THAP4: variants seen among roughly 807,000 people sequenced by gnomAD.
THAP4 encodes the protein THAP domain containing 4, also known as peroxynitrite isomerase THAP4.
A neutral mutation model predicts 48.1 loss-of-function variants in THAP4; 18 were observed. That is an observed-to-expected ratio of 0.37 (90% CI 0.26 to 0.56). THAP4 has a LOEUF of 0.56. Ranked by LOEUF, THAP4 falls within the 20% of genes least tolerant of loss-of-function variation. THAP4 has a pLI of 0.78. For missense variants in THAP4, 656 were observed against 774.9 expected, an observed-to-expected ratio of 0.85 and a Z score of 1.82; for synonymous variants, 345 against 324.9, an observed-to-expected ratio of 1.06 and a Z score of -0.66.
chr2:241,634,106 T>C (rs2067607072), intron 1 of THAP4, 27 bp from the exon 2 acceptor site: 2 of 1,470,800 alleles, frequency 1.4e-6, no homozygotes, highest in African/African-American at 2.8e-5. Flanking sequence ...AAAAAGTAAT[T>C]AGAAATAATT....
At chr2:241,593,735 G>C (rs1480788243) in intron 5 of THAP4, among the ~76,000 whole-genome samples, 1 of 152,184 alleles carries the variant, frequency 6.6e-6, no homozygotes, top group Admixed American at 6.5e-5. Context: ...CACCCAGGCT[G>C]GAGTGCAGTG....
At chr2:241,596,674 C>T (rs559630038) in intron 5 of THAP4, among the ~76,000 whole-genome samples, 2 of 151,568 alleles carry the variant, frequency 1.3e-5, no homozygotes, top group Middle Eastern at 3.4e-3. Flanking sequence ...GGCGTGGTGG[C>T]GCGCACCTGT....
At chr2:241,597,289 AC>A (rs775193543) in intron 5 of THAP4, among the ~76,000 whole-genome samples, 35 of 152,130 alleles carry the variant, frequency 2.3e-4, no homozygotes, top group Non-Finnish European at 4.7e-4. Flanking sequence ...GCCCGCCATC[AC>A]GCCTGGCTAA....
At chr2:241,634,316 T>C (rs1054169389) in intron 1 of THAP4, among the ~76,000 whole-genome samples, 3 of 152,144 alleles carry the variant, frequency 2.0e-5, no homozygotes, top group African/African-American at 7.2e-5. Flanking sequence ...GTAGGGCGGA[T>C]GGGAAAGAAG....
intron 3 of THAP4, among the ~76,000 whole-genome samples, chr2:241,603,770 G>T (rs943485794): frequency 1.4e-4 from 22 of 152,180 alleles, no homozygotes; most frequent in African/African-American, 5.3e-4. Flanking sequence ...GTTATGGTAT[G>T]GTTTCTTATC....
At chr2:241,603,876 G>A (rs1244686777) in intron 3 of THAP4, among the ~76,000 whole-genome samples, 2 of 152,212 alleles carry the variant, frequency 1.3e-5, no homozygotes, top group East Asian at 3.9e-4. Context: ...CTAACTCGCT[G>A]GCATGGTGAC....
At position 241,633,127 on chromosome 2, in the gene THAP4, A is replaced by G. The variant is rs1299126469; in HGVS notation, c.1030T>C (p.Ser344Pro). 6.2e-7 allele frequency: 1 copy of G among 1,612,368 alleles called. No homozygotes were observed. Among genetic ancestry groups the G allele is most frequent in the Non-Finnish European group, 8.5e-7 (1 of 1,179,240 alleles). The change falls in exon 2 of 6, where the codon TCA (serine) becomes CCA (proline). Residue 344 changes from serine (S) to proline (P), a missense_variant. Coordinates refer to ENST00000407315, the MANE Select transcript of THAP4 (RefSeq NM_015963.6). The surrounding 1 kb of genome is among the most constrained non-coding windows in gnomAD (Gnocchi z 7.5). The stretch of plus-strand genomic sequence containing the variant: ...GAGGAGAAGCAGTAGGAGTGCAGTG[A>G]GTCGATGAGCTTGCAGGCCCCTGAC... ...SASGACKLID[S>P]LHSYCFSSRQ...
Position 241,632,377 on chromosome 2 carries a change from G to A in THAP4, c.1240+540C>T, listed in dbSNP as rs561017502. Among the ~76,000 whole-genome samples, 12 of 152,204 alleles carry A rather than the reference G, an allele frequency of 7.9e-5. No individual in the cohort carries two copies. The South Asian group carries it at 2.1e-3, about 26-fold the overall frequency. ...AGCCTCCCAAAGTACTGGGATTACA[G>A]GTGTGAGCCACCGAGTCCAGCCTCA... On this transcript the variant is annotated intron_variant, in intron 2 of 5. Coordinates refer to ENST00000407315, the MANE Select transcript of THAP4 (RefSeq NM_015963.6).
chr2:241,594,800 G>A (rs901332233), intron 5 of THAP4: 3 of 172,522 alleles, frequency 1.7e-5, no homozygotes, highest in Non-Finnish European at 3.7e-5. Context: ...AAATGAGCCA[G>A]GTGTGGTGGT....
At chr2:241,593,989 ATTC>A (rs1342555019) in intron 5 of THAP4, among the ~76,000 whole-genome samples, 2 of 152,196 alleles carry the variant, frequency 1.3e-5, no homozygotes, top group African/African-American at 4.8e-5. Flanking sequence ...GAGGCACAGT[ATTC>A]TTCTTAACAG....
chr2:241,587,066 G>A (rs1241644487), intron 5 of THAP4, among the ~76,000 whole-genome samples: 3 of 152,160 alleles, frequency 2.0e-5, no homozygotes, highest in Non-Finnish European at 4.4e-5. Flanking sequence ...AGGTGGGTGT[G>A]GGTGTCATGG....
intron 5 of THAP4, among the ~76,000 whole-genome samples, chr2:241,590,897 A>C: frequency 7.1e-6 from 1 of 141,628 alleles, no homozygotes; most frequent in African/African-American, 2.6e-5. Context: ...GATGGGCACT[A>C]GGACACACAG....
At chr2:241,619,230 C>G (rs2067381515) in intron 2 of THAP4, among the ~76,000 whole-genome samples, 1 of 152,328 alleles carries the variant, frequency 6.6e-6, no homozygotes, top group Admixed American at 6.5e-5. Context: ...AACAAGGACA[C>G]TCGAGGAATT....
upstream of THAP4, chr2:241,637,433 G>C (rs1301895667): frequency 3.4e-6 from 5 of 1,469,056 alleles, no homozygotes; most frequent in Admixed American, 1.1e-4. Flanking sequence ...GGTCCTCTAA[G>C]AGGAGGAAGC....
chr2:241,594,043 T>C (rs2067019454), intron 5 of THAP4, among the ~76,000 whole-genome samples: 1 of 152,128 alleles, frequency 6.6e-6, no homozygotes, highest in African/African-American at 2.4e-5. Flanking sequence ...CAATGAGGAA[T>C]GGATAAACAA....
chr2:241,618,147 T>C lies in THAP4; in HGVS notation c.1241-11674A>G, dbSNP rs139574699. 5.2e-3 allele frequency among the ~76,000 whole-genome samples: 795 copies of C among 152,314 alleles called. 2 individuals are homozygous for C. Among genetic ancestry groups the C allele is most frequent in the South Asian group, 8.9e-3 (43 of 4,828 alleles). Reference sequence around the variant, plus strand: ...GGAGCTGTCCAGGAACACCGTGATATGTTTGGGTCCACTGACAAGGCATAC... The same window carrying C: ...GGAGCTGTCCAGGAACACCGTGATACGTTTGGGTCCACTGACAAGGCATAC... On this transcript the variant is annotated intron_variant, in intron 2 of 5. Transcript: ENST00000407315.
At chr2:241,605,212 T>A (rs958782946) in intron 3 of THAP4, among the ~76,000 whole-genome samples, 1 of 152,150 alleles carries the variant, frequency 6.6e-6, no homozygotes. Context: ...AGGTAGGAGA[T>A]ATTTTTAAAA....
intron 2 of THAP4, among the ~76,000 whole-genome samples, chr2:241,623,643 A>G (rs1328604912): frequency 2.0e-5 from 3 of 152,074 alleles, no homozygotes. Flanking sequence ...TTAAAAAAAA[A>G]AGAAGGGAGG....
rs1043534348 is a variant in THAP4, at chr2:241,610,900, A to G, written c.1241-4427T>C. Reference sequence around the variant, plus strand: ...CAGAGACGGGGCCAGAGACAGAGACACAGAAAGGGATCTTACTCTTTCTTC... The same window carrying G: ...CAGAGACGGGGCCAGAGACAGAGACGCAGAAAGGGATCTTACTCTTTCTTC... On this transcript the variant is annotated intron_variant, in intron 2 of 5. Transcript: ENST00000407315. This position sits in a 1 kb window ranked among gnomAD's most constrained non-coding sequence, Gnocchi z 4.2. 6.6e-6 allele frequency among the ~76,000 whole-genome samples: 1 copy of G among 152,078 alleles called. No individual in the cohort carries two copies. The highest frequency in any genetic ancestry group is 1.5e-5 in the Non-Finnish European group (1 of 68,000).
Sources: allele counts gnomAD v4.1 joint callset (sites outside exome capture counted in the v4.1 genomes callset), GRCh38; gene constraint gnomAD v4.1.1; non-coding constraint Gnocchi (gnomAD v3.1); transcripts MANE v1.5; gene names NCBI Gene and HGNC (gene_info 2026-07-23, HGNC 2026-07-21).